Variants in CORO2B observed in about 807,000 individuals in gnomAD.
The protein encoded by CORO2B is coronin-2B.
CORO2B carries 26 observed loss-of-function variants against 58.8 expected under a neutral mutation model. The ratio of observed to expected loss-of-function variants is 0.44; its 90% CI spans 0.32 to 0.61. The LOEUF is 0.61. Ranked by LOEUF, CORO2B falls within the 20% of genes least tolerant of loss-of-function variation. The pLI, the probability that CORO2B is intolerant of heterozygous loss-of-function variation, is 0.04. For missense variants in CORO2B, 460 were observed against 645.1 expected (o/e 0.71, Z 3.11); for synonymous variants, 242 against 253.8 (o/e 0.95, Z 0.44).
intron 3 of CORO2B, among the ~76,000 whole-genome samples, chr15:68,703,442 C>T (rs113953700): frequency 0.024 from 3,662 of 150,764 alleles, 151 homozygotes; most frequent in African/African-American, 0.085. Context: ...TGAGCCACCT[C>T]GCCCAGCCCA....
At chr15:68,656,143 C>A (rs1901794547) in intron 2 of CORO2B, among the ~76,000 whole-genome samples, 1 of 139,346 alleles carries the variant, frequency 7.2e-6, no homozygotes, top group South Asian at 2.5e-4. Flanking sequence ...GACTGCTGCC[C>A]ACCCCTCCCC....
intron 1 of CORO2B, among the ~76,000 whole-genome samples, chr15:68,601,899 AT>A (rs1361243716): frequency 6.6e-6 from 1 of 152,104 alleles, no homozygotes; most frequent in Non-Finnish European, 1.5e-5. Context: ...AGATCAAGTC[AT>A]CAGCAAGTTC....
chr15:68,685,491 C>T lies in CORO2B; in HGVS notation c.217-9649C>T, dbSNP rs573386439. 5.3e-5 allele frequency among the ~76,000 whole-genome samples: 8 copies of T among 152,274 alleles called. No homozygotes were observed. The South Asian group carries it at 6.2e-4, about 12-fold the overall frequency. On this transcript the variant is annotated intron_variant, in intron 2 of 11. Coordinates refer to ENST00000261861, the MANE Select transcript of CORO2B (RefSeq NM_006091.5). ...CCTCCCAAAGTGCTGGGATTACAGG[C>T]GTGAGCCACCGTGCCCAGCTGATAA...
chr15:68,546,741 C>T, the CORO2B span, among the ~76,000 whole-genome samples: 126 of 152,304 alleles, frequency 8.3e-4, 1 homozygote, highest in African/African-American at 2.9e-3. Context: ...CTGCCTTCTA[C>T]CTGCCCCCTT....
At chr15:68,587,472 C>G (rs2140562545) in intron 1 of CORO2B, among the ~76,000 whole-genome samples, 1 of 152,272 alleles carries the variant, frequency 6.6e-6, no homozygotes, top group Admixed American at 6.5e-5. Context: ...TGGGCCAGCA[C>G]TCTGCCTGTA....
intron 1 of CORO2B, among the ~76,000 whole-genome samples, chr15:68,628,596 T>C (rs1418621019): frequency 6.6e-6 from 1 of 152,246 alleles, no homozygotes; most frequent in Non-Finnish European, 1.5e-5. Context: ...GCCCATGGTA[T>C]GAGCAAAGTA....
chr15:68,680,807 T>C (rs1902755475), intron 2 of CORO2B, among the ~76,000 whole-genome samples: 1 of 152,238 alleles, frequency 6.6e-6, no homozygotes. Flanking sequence ...CGTAAGGTTA[T>C]TGTGCTAAAA....
chr15:68,690,937 GT>G (rs1474623820), intron 2 of CORO2B, among the ~76,000 whole-genome samples: 1 of 152,002 alleles, frequency 6.6e-6, no homozygotes, highest in East Asian at 1.9e-4. Context: ...GGGATTACAG[GT>G]GTGAGCCACT....
At chr15:68,683,715 ACCTC>A (rs767770613) in intron 2 of CORO2B, among the ~76,000 whole-genome samples, 2 of 151,932 alleles carry the variant, frequency 1.3e-5, no homozygotes, top group Non-Finnish European at 2.9e-5. Context: ...CACCTGCCTC[ACCTC>A]CCTCCCTGCA....
the CORO2B span, among the ~76,000 whole-genome samples, chr15:68,531,863 C>T: frequency 2.7e-5 from 4 of 148,650 alleles, no homozygotes; most frequent in Non-Finnish European, 5.9e-5. Flanking sequence ...ATTTTAGCAG[C>T]TTTGTTTTTG....
rs1291015819 is a variant in CORO2B at position 68,715,230 on chromosome 15, C to T, written c.886C>T (p.Arg296Trp). ...YLAGKGDGNI[R>W]YYEISTEKPY... ...CTGACCCCAGGGTGATGGAAACATC[C>T]GGTACTACGAGATCAGCACTGAGAA... Residue 296 changes from arginine to tryptophan, a missense_variant, in exon 8 of 12, where the codon CGG becomes TGG. Physicochemically the swap from Arg to Trp is moderately radical, Grantham distance 101. Transcript: ENST00000261861. 14 of 1,613,880 alleles carry T rather than the reference C, an allele frequency of 8.7e-6. No homozygotes were observed. Among genetic ancestry groups the T allele is most frequent in the African/African-American group, 1.3e-5 (1 of 74,916 alleles).
chr15:68,611,964 T>C (rs56853652), intron 1 of CORO2B, among the ~76,000 whole-genome samples: 8,014 of 152,172 alleles, frequency 0.053, 236 homozygotes, highest in South Asian at 0.1. Flanking sequence ...AGAGACTGGG[T>C]CTTGCTATGT....
chr15:68,559,532 G>A, the CORO2B span: 12 of 952,090 alleles, frequency 1.3e-5, no homozygotes, highest in Admixed American at 6.2e-5. The surrounding 1 kb of genome is among the most constrained non-coding windows in gnomAD (Gnocchi z 4.3). Context: ...TAGCGGGGAG[G>A]GCGAAGTTGA....
chr15:68,584,062 A>G (rs771491836), intron 1 of CORO2B, among the ~76,000 whole-genome samples: 2 of 152,188 alleles, frequency 1.3e-5, no homozygotes, highest in African/African-American at 4.8e-5. Context: ...GTGAGGCATT[A>G]GGAAAACAGT....
At chr15:68,532,119 T>C in the CORO2B span, among the ~76,000 whole-genome samples, 3 of 152,172 alleles carry the variant, frequency 2.0e-5, no homozygotes, top group Non-Finnish European at 4.4e-5. Context: ...AATTTTATCA[T>C]GATGTACCTT....
chr15:68,658,816 G>C (rs1489230335), intron 2 of CORO2B, among the ~76,000 whole-genome samples: 2 of 152,226 alleles, frequency 1.3e-5, no homozygotes, highest in East Asian at 3.8e-4. Flanking sequence ...CTGGGACTGT[G>C]AACTGCTCCC....
intron 1 of CORO2B, among the ~76,000 whole-genome samples, chr15:68,608,544 T>G (rs1900178245): frequency 6.6e-6 from 1 of 152,154 alleles, no homozygotes; most frequent in South Asian, 2.1e-4. Flanking sequence ...GTGTGTGTGT[T>G]GGGGGACATT....
intron 2 of CORO2B, among the ~76,000 whole-genome samples, chr15:68,670,368 G>A (rs1485260346): frequency 2.0e-5 from 3 of 151,444 alleles, no homozygotes; most frequent in African/African-American, 7.4e-5. Context: ...GGTAGAGACA[G>A]GGTTTCACTG....
intron 1 of CORO2B, among the ~76,000 whole-genome samples, chr15:68,633,812 T>C (rs1341332290): frequency 2.0e-5 from 3 of 152,256 alleles, no homozygotes; most frequent in African/African-American, 7.2e-5. Context: ...ATCCCCTGGC[T>C]GTAATGTAGA....
Sources: allele counts gnomAD v4.1 joint callset (sites outside exome capture counted in the v4.1 genomes callset), GRCh38; gene constraint gnomAD v4.1.1; non-coding constraint Gnocchi (gnomAD v3.1); transcripts MANE v1.5; gene names NCBI Gene and HGNC (gene_info 2026-07-23, HGNC 2026-07-21).